GUCY2C: variants seen among roughly 807,000 people sequenced by gnomAD.
The protein encoded by GUCY2C is guanylate cyclase 2C, also known as guanylyl cyclase C.
GUCY2C carries 118 observed loss-of-function variants against 131.1 expected under a neutral mutation model. The observed-to-expected ratio is 0.90, with a 90% CI of 0.78 to 1.05. GUCY2C has a LOEUF of 1.05. Among genes scored for constraint, GUCY2C ranks in the 50% least tolerant of loss-of-function variants. The probability of loss-of-function intolerance (pLI) is 0.00; values close to 1 mark genes in which losing one functional copy is unlikely to be tolerated. For missense variants in GUCY2C, 1,161 were observed against 1,304.4 expected (o/e 0.89, Z 1.69); for synonymous variants, 452 against 457.8 (o/e 0.99, Z 0.16).
rs1449607880 is a variant in GUCY2C, at chr12:14,643,689, G to A, written c.1815C>T (p.His605=). Residue 605 remains histidine, a synonymous_variant, in exon 17 of 27, where the codon CAC becomes CAT. Transcript: ENST00000261170. ...GACCATGGACTTCTGTCTTACTGGA[G>A]TGCAGATATGACATTCCCTGTAATT... ...YDIAKGMSYL[H]SSKTEVHGRL... 2 of 1,612,714 alleles carry A rather than the reference G, an allele frequency of 1.2e-6. No individual in the cohort carries two copies. Among genetic ancestry groups the A allele is most frequent in the Non-Finnish European group, 1.7e-6 (2 of 1,178,762 alleles).
chr12:14,622,851 A>G (rs1383910844), intron 21 of GUCY2C, among the ~76,000 whole-genome samples: 2 of 152,182 alleles, frequency 1.3e-5, no homozygotes, highest in Admixed American at 6.5e-5. Context: ...CTTTTAGAAT[A>G]TCTTTGCTGA....
At chr12:14,673,596 C>G (rs750748465) in intron 8 of GUCY2C, among the ~76,000 whole-genome samples, 1 of 152,126 alleles carries the variant, frequency 6.6e-6, no homozygotes, top group Non-Finnish European at 1.5e-5. Context: ...GATATAGAAA[C>G]TATTATTATC....
chr12:14,669,932 A>G (rs773369097), intron 9 of GUCY2C, 99 bp from the exon 10 acceptor site: 39 of 538,618 alleles, frequency 7.2e-5, no homozygotes, highest in Non-Finnish European at 1.2e-4. Flanking sequence ...CTTGATTTCC[A>G]TAACAATTCT....
chr12:14,683,065 A>G lies in GUCY2C; in HGVS notation c.588T>C (p.Gly196=). The G allele has an allele frequency of 6.2e-7, 1 of 1,612,214 alleles. No individual in the cohort carries two copies. The highest frequency in any genetic ancestry group is 8.5e-7 in the Non-Finnish European group (1 of 1,178,346). The change falls in exon 4 of 27, where the codon GGT becomes GGC. Residue 196 remains glycine (G), a synonymous_variant. Transcript: ENST00000261170. Reference sequence around the variant, plus strand: ...ACCAGAAACAGTCCTCAGTTTCTGTACCATTCTTGTAAACATACGAAGTGC... The same window carrying G: ...ACCAGAAACAGTCCTCAGTTTCTGTGCCATTCTTGTAAACATACGAAGTGC... ...SWSTSYVYKN[G]TETEDCFWYL...
chr12:14,688,252 ATC>A (rs1335719658), intron 1 of GUCY2C, among the ~76,000 whole-genome samples, 189 bp from the exon 2 acceptor site: 1 of 149,584 alleles, frequency 6.7e-6, no homozygotes, highest in Non-Finnish European at 1.5e-5. Context: ...GTATCTTTTC[ATC>A]TCTGTTTCTC....
At chr12:14,679,856 T>A (rs761353385) in intron 5 of GUCY2C, 103 bp from the exon 6 acceptor site, 1 of 644,328 alleles carries the variant, frequency 1.6e-6, no homozygotes, top group Non-Finnish European at 2.8e-6. Flanking sequence ...TAATGTTAAA[T>A]TTTTTAAAGA....
At chr12:14,682,169 T>C (rs1373256758) in intron 4 of GUCY2C, among the ~76,000 whole-genome samples, 1 of 152,146 alleles carries the variant, frequency 6.6e-6, no homozygotes, top group Admixed American at 6.5e-5. Flanking sequence ...ATTTTAGTAA[T>C]GATACCTGAT....
chr12:14,658,360 C>T (rs1351880277), intron 11 of GUCY2C, among the ~76,000 whole-genome samples: 1 of 152,062 alleles, frequency 6.6e-6, no homozygotes, highest in Non-Finnish European at 1.5e-5. Context: ...CTGAGAACTA[C>T]TTTCCTAAAC....
intron 12 of GUCY2C, among the ~76,000 whole-genome samples, chr12:14,653,755 C>T (rs765761318): frequency 4.6e-5 from 7 of 152,102 alleles, no homozygotes; most frequent in Non-Finnish European, 7.4e-5. Context: ...TAAAATGTAC[C>T]TTACAAGGCC....
At chr12:14,687,844 G>A in intron 2 of GUCY2C, 107 bp downstream of exon 2, 1 of 691,552 alleles carries the variant, frequency 1.4e-6, no homozygotes, top group South Asian at 1.6e-5. Flanking sequence ...CAGCTATGTG[G>A]CTAGAGATGA....
chr12:14,658,730 GA>G (rs1947808689), intron 11 of GUCY2C, among the ~76,000 whole-genome samples: 1 of 151,944 alleles, frequency 6.6e-6, no homozygotes, highest in Non-Finnish European at 1.5e-5. Flanking sequence ...TCTAAGTTTT[GA>G]AGCTTGATTT....
At chr12:14,642,663 C>CATCTTAAA (rs1947434378) in intron 17 of GUCY2C, among the ~76,000 whole-genome samples, 1 of 152,020 alleles carries the variant, frequency 6.6e-6, no homozygotes, top group South Asian at 2.1e-4. Context: ...TAGGTATAAG[C>CATCTTAAA]GAGTGCTGTT....
intron 1 of GUCY2C, among the ~76,000 whole-genome samples, chr12:14,693,156 T>C (rs1282816996): frequency 6.6e-6 from 1 of 152,156 alleles, no homozygotes; most frequent in Non-Finnish European, 1.5e-5. Flanking sequence ...CACAATGATA[T>C]CTCATTCCTG....
chr12:14,688,087 A>G (rs1377482376), intron 1 of GUCY2C, 24 bp from the exon 2 acceptor site: 13 of 1,325,466 alleles, frequency 9.8e-6, no homozygotes, highest in Admixed American at 1.7e-5. Flanking sequence ...ATGAGGGAAA[A>G]TAGAACACTA....
chr12:14,620,099 C>T (rs1946861001), intron 23 of GUCY2C, among the ~76,000 whole-genome samples: 1 of 152,104 alleles, frequency 6.6e-6, no homozygotes, highest in African/African-American at 2.4e-5. Flanking sequence ...TCTATAACAC[C>T]TGTAACTCAT....
In GUCY2C at chr12:14,683,056, A is replaced by G. The variant is rs575361829; in HGVS notation, c.597T>C (p.Thr199=). The G allele has an allele frequency of 4.4e-6, 7 of 1,603,770 alleles. No individual in the cohort carries two copies. The highest frequency in any genetic ancestry group is 2.7e-5 in the African/African-American group (2 of 74,806). Reference sequence around the variant, plus strand: ...ATCCTGCTTACCAGAAACAGTCCTCAGTTTCTGTACCATTCTTGTAAACAT... The same window carrying G: ...ATCCTGCTTACCAGAAACAGTCCTCGGTTTCTGTACCATTCTTGTAAACAT... ...TSYVYKNGTE[T]EDCFWYLNAL... The change falls in exon 4 of 27, where the codon ACT becomes ACC. Residue 199 remains threonine, a synonymous_variant. Transcript: ENST00000261170.
chr12:14,644,665 A>G (rs1947478789), intron 16 of GUCY2C, among the ~76,000 whole-genome samples: 1 of 151,630 alleles, frequency 6.6e-6, no homozygotes, highest in South Asian at 2.1e-4. Flanking sequence ...ATGCATGTCC[A>G]CATTTATTAT....
intron 13 of GUCY2C, among the ~76,000 whole-genome samples, 181 bp from the exon 14 acceptor site, chr12:14,652,211 G>A (rs58371588): frequency 0.011 from 1,708 of 151,886 alleles, 24 homozygotes; most frequent in African/African-American, 0.039. Flanking sequence ...GCCTTGCTCT[G>A]TTGCCCAGGC....
chr12:14,623,315 C>T (rs1007132973), intron 21 of GUCY2C, among the ~76,000 whole-genome samples: 3 of 152,242 alleles, frequency 2.0e-5, no homozygotes, highest in African/African-American at 7.2e-5. Context: ...TGGGCTCTCC[C>T]GGAAAGAAAA....
Sources: gnomAD v4.1 joint callset for allele counts (sites outside exome capture counted in the v4.1 genomes callset) on GRCh38, gnomAD v4.1.1 for gene constraint, MANE v1.5 for transcripts, NCBI Gene and HGNC (gene_info 2026-07-23, HGNC 2026-07-21) for gene names.